Variants in EMSY observed in about 807,000 individuals in gnomAD.
EMSY encodes EMSY transcriptional repressor, BRCA2 interacting.
A neutral mutation model predicts 134.6 loss-of-function variants in EMSY; 26 were observed. The ratio of observed to expected loss-of-function variants is 0.19; its 90% CI spans 0.14 to 0.27. EMSY has a LOEUF of 0.27. Among genes scored for constraint, EMSY ranks in the 10% least tolerant of loss-of-function variants. EMSY has a pLI of 1.00. For missense variants in EMSY, 1,305 were observed against 1,611.4 expected (o/e 0.81, Z 3.26); for synonymous variants, 579 against 577.8 (o/e 1.00, Z -0.03).
chr11:76,481,979 GAC>G (rs1949000538), intron 8 of EMSY, among the ~76,000 whole-genome samples: 2 of 152,172 alleles, frequency 1.3e-5, no homozygotes, highest in South Asian at 4.1e-4. Context: ...GGGGTTGATA[GAC>G]ACCTCATACA....
chr11:76,517,696 A>G (rs1950495576), intron 11 of EMSY, among the ~76,000 whole-genome samples: 2 of 152,206 alleles, frequency 1.3e-5, no homozygotes, highest in Non-Finnish European at 2.9e-5. Context: ...AAATTTATAT[A>G]TCTTATACAT....
chr11:76,518,167 CTTTTTTTTTTTTTTTTT>C (rs35911259), intron 11 of EMSY, among the ~76,000 whole-genome samples: 1 of 119,518 alleles, frequency 8.4e-6, no homozygotes, highest in African/African-American at 3.2e-5. Flanking sequence ...GAAGTACTTT[CTTTTTTTTTTTTTTTTT>C]TTTAAGACAG....
intron 12 of EMSY, among the ~76,000 whole-genome samples, chr11:76,525,392 C>T (rs1039499170): frequency 6.6e-6 from 1 of 152,170 alleles, no homozygotes; most frequent in Non-Finnish European, 1.5e-5. Flanking sequence ...ACAATGATTG[C>T]TTTTTAGCCA....
intron 14 of EMSY, among the ~76,000 whole-genome samples, chr11:76,533,450 T>C (rs200445616): frequency 1.4e-5 from 2 of 145,484 alleles, no homozygotes; most frequent in African/African-American, 5.0e-5. Flanking sequence ...CTGTGCAGAG[T>C]TGTAAGGAAA....
chr11:76,463,755 A>C (rs1056557536), intron 6 of EMSY, 66 bp from the exon 8 acceptor site: 46 of 1,530,696 alleles, frequency 3.0e-5, no homozygotes, highest in Non-Finnish European at 7.1e-6. Flanking sequence ...TAAAGATTTT[A>C]AAAATAAAGT....
intron 2 of EMSY, among the ~76,000 whole-genome samples, chr11:76,447,424 A>G (rs965642175): frequency 6.6e-6 from 1 of 152,202 alleles, no homozygotes; most frequent in African/African-American, 2.4e-5. Context: ...TGAACCAGGG[A>G]GTATGCTTTC....
At chr11:76,526,425 A>G in intron 12 of EMSY, 37 bp from the exon 14 acceptor site, 1 of 1,515,170 alleles carries the variant, frequency 6.6e-7, no homozygotes, top group Non-Finnish European at 8.9e-7. Flanking sequence ...ATTTATATGC[A>G]TATAAATCTC....
At chr11:76,483,528 C>A (rs1332927410) in intron 8 of EMSY, among the ~76,000 whole-genome samples, 1 of 152,066 alleles carries the variant, frequency 6.6e-6, no homozygotes, top group African/African-American at 2.4e-5. Context: ...GAAAGACACA[C>A]ATAGGCTCAA....
chr11:76,552,069 A>AT (rs1280638083), downstream of EMSY: 2 of 152,290 alleles, frequency 1.3e-5, no homozygotes, highest in Admixed American at 6.5e-5. Flanking sequence ...TATCATCTAC[A>AT]TTTTTTTAAA....
chr11:76,461,091 A>T (rs1355186591), intron 6 of EMSY: 3 of 152,214 alleles, frequency 2.0e-5, no homozygotes, highest in African/African-American at 7.2e-5. Flanking sequence ...CTTCAACTCA[A>T]GGCAGAAAGT....
At chr11:76,513,242 A>T (rs1950338108) in intron 9 of EMSY, 144 bp from the exon 11 acceptor site, 4 of 577,818 alleles carry the variant, frequency 6.9e-6, no homozygotes, top group Non-Finnish European at 1.1e-5. Context: ...GAGGAATAAA[A>T]GTTTAGAGTT....
exon 21 of EMSY, chr11:76,550,519 G>GGT (rs1951807522): frequency 1.2e-5 from 2 of 161,042 alleles, no homozygotes; most frequent in African/African-American, 2.4e-5. Context: ...AAAGGAGAAT[G>GGT]TGAATAGTTG....
chr11:76,475,465 T>A (rs187567082), intron 8 of EMSY, among the ~76,000 whole-genome samples: 15 of 152,358 alleles, frequency 9.8e-5, no homozygotes, highest in African/African-American at 3.1e-4. Context: ...TTTTCTCCTT[T>A]GCTTCTTAGC....
At chr11:76,455,507 A>AACTAAAGGAATGCGCCTGAAC (rs1472295333) in intron 4 of EMSY, among the ~76,000 whole-genome samples, 2 of 152,132 alleles carry the variant, frequency 1.3e-5, no homozygotes, top group Non-Finnish European at 2.9e-5. Flanking sequence ...CTAGAAAAAC[A>AACTAAAGGAATGCGCCTGAAC]ACTAAAGGAA....
chr11:76,488,054 T>C (rs962297327), intron 8 of EMSY, among the ~76,000 whole-genome samples: 4 of 152,248 alleles, frequency 2.6e-5, no homozygotes, highest in African/African-American at 9.6e-5. Context: ...ACTCTGAGTA[T>C]TTCATATTTA....
chr11:76,524,895 A>G (rs1950790561), intron 12 of EMSY, among the ~76,000 whole-genome samples: 1 of 152,124 alleles, frequency 6.6e-6, no homozygotes, highest in Non-Finnish European at 1.5e-5. Context: ...GTGTGCACCT[A>G]TAGTCCCAGC....
chr11:76,478,487 C>T (rs1026338093), intron 8 of EMSY, among the ~76,000 whole-genome samples: 19 of 151,548 alleles, frequency 1.3e-4, no homozygotes, highest in African/African-American at 4.1e-4. Flanking sequence ...GGGATACAGG[C>T]GCGTGCCACC....
rs1374597746 is a variant in EMSY, at chr11:76,469,585, A to C, written c.832-2979A>C. 2.0e-5 allele frequency among the ~76,000 whole-genome samples: 3 copies of C among 152,274 alleles called. No homozygotes were observed. The East Asian group carries it at 5.8e-4, about 29-fold the overall frequency. On this transcript the variant is annotated intron_variant, in intron 7 of 20. Coordinates refer to ENST00000334736, the Ensembl canonical transcript of EMSY. ...TAAGTAGTAGTAATAAGCTACTAATAAGTACCATTTGTTGACTGCCAAATA... is the reference window on the plus strand; with the variant it reads ...TAAGTAGTAGTAATAAGCTACTAATCAGTACCATTTGTTGACTGCCAAATA...
At chr11:76,524,592 T>C (rs1009590027) in intron 12 of EMSY, among the ~76,000 whole-genome samples, 9 of 152,166 alleles carry the variant, frequency 5.9e-5, no homozygotes, top group Non-Finnish European at 1.5e-5. Context: ...ACTTGATATG[T>C]AAGAGGGGAT....
Sources: gnomAD v4.1 joint callset for allele counts (sites outside exome capture counted in the v4.1 genomes callset) on GRCh38, gnomAD v4.1.1 for gene constraint, MANE v1.5 for transcripts, NCBI Gene and HGNC (gene_info 2026-07-23, HGNC 2026-07-21) for gene names.